Variants in PAAF1 observed in about 807,000 individuals in gnomAD.
PAAF1 encodes the protein proteasomal ATPase-associated factor 1.
Under a neutral mutation model 52.8 loss-of-function variants are expected in PAAF1, and 46 were observed. The observed-to-expected ratio is 0.87, with a 90% CI of 0.69 to 1.11. The LOEUF (loss-of-function observed/expected upper bound fraction) is 1.11. Among genes scored for constraint, PAAF1 ranks in the 50% most tolerant of loss-of-function variants. PAAF1 has a pLI of 0.00. For missense variants in PAAF1, 424 were observed against 477.4 expected, an observed-to-expected ratio of 0.89 and a Z score of 1.04; for synonymous variants, 178 against 172.8, an observed-to-expected ratio of 1.03 and a Z score of -0.24.
intron 2 of PAAF1, among the ~76,000 whole-genome samples, chr11:73,886,414 G>T (rs1949056703): frequency 6.6e-6 from 1 of 152,042 alleles, no homozygotes; most frequent in South Asian, 2.1e-4. Flanking sequence ...GGTGGCTCAC[G>T]CCTGTAATCC....
rs763363623 is a variant in PAAF1, at chr11:73,914,419, G to A, written c.734G>A (p.Arg245Gln). 9.3e-6 allele frequency: 15 copies of A among 1,613,860 alleles called. No homozygotes were observed. The highest frequency in any genetic ancestry group is 1.2e-5 in the Non-Finnish European group (14 of 1,179,856). ...TAGTTTATTTGTCATGCAGGTGAAC[G>A]GGAGGTTGGAACAGAGGCCAAAATG... ...LGSPEQMPSE[R>Q]EVGTEAKMLL... is the part of the protein sequence containing the mutation. Residue 245 changes from arginine (R) to glutamine (Q), a missense_variant, in exon 8 of 12, where the codon CGG becomes CAG. By Grantham distance (43) the Arg-to-Gln change is conservative. Coordinates refer to ENST00000310571, the MANE Select transcript of PAAF1 (RefSeq NM_025155.3).
At chr11:73,907,028 T>C (rs1204898094) in intron 6 of PAAF1, among the ~76,000 whole-genome samples, 1 of 152,158 alleles carries the variant, frequency 6.6e-6, no homozygotes, top group Admixed American at 6.5e-5. Flanking sequence ...ACCTGTACCA[T>C]TGTATTGTAT....
rs558471580 is a variant in PAAF1, at chr11:73,917,889, A to G, written c.936-1061A>G. On this transcript the variant is annotated intron_variant, in intron 9 of 11. Transcript: ENST00000310571. ...CTATCTCAAAAAAAAAAAAAAAAAG[A>G]TACAGACTCTGCCTTTGAGGCACCT... Among the ~76,000 whole-genome samples the G allele has an allele frequency of 6.3e-4, 95 of 151,540 alleles. 1 individual carries two copies. The highest frequency in any genetic ancestry group is 2.2e-3 in the African/African-American group (92 of 41,304).
At chr11:73,882,345 A>G (rs12801553) in intron 2 of PAAF1, among the ~76,000 whole-genome samples, 8,435 of 144,950 alleles carry the variant, frequency 0.058, 265 homozygotes, top group Middle Eastern at 0.1. Context: ...TAACTTGTAG[A>G]TTCAGTTTTC....
intron 5 of PAAF1, among the ~76,000 whole-genome samples, chr11:73,899,616 C>G (rs561978747): frequency 6.6e-5 from 10 of 151,928 alleles, no homozygotes; most frequent in Non-Finnish European, 1.0e-4. Context: ...TTCGCCATGT[C>G]GGCCAGGCTG....
At position 73,909,514 on chromosome 11, in the gene PAAF1, T is replaced by C. The variant is rs767533355; in HGVS notation, c.648T>C (p.Asp216=). 1.9e-6 allele frequency: 3 copies of C among 1,614,168 alleles called. No individual in the cohort carries two copies. Among genetic ancestry groups the C allele is most frequent in the South Asian group, 1.1e-5 (1 of 91,082 alleles). Residue 216 remains aspartate (D), a synonymous_variant, in exon 7 of 12, where the codon GAT becomes GAC. Transcript: ENST00000310571. Reference sequence around the variant, plus strand: ...CAGCCTGCTTGGGAGTCCTTGCAGATTGTGGTTCTTCTATCAATGGAGTGG... The same window carrying C: ...CAGCCTGCTTGGGAGTCCTTGCAGACTGTGGTTCTTCTATCAATGGAGTGG... ...GRSACLGVLA[D]CGSSINGVAV... is the part of the protein sequence containing the mutation.
chr11:73,918,950 G>T lies in PAAF1; in HGVS notation c.936G>T (p.Arg312Ser). The part of the protein sequence containing the change: ...NIYQLDVRSP[R>S]APVQVIHRSG... ...AATTTCCCCTTTCTCTGAATCCTAG[G>T]GCTCCGGTACAAGTCATCCACAGAT... The change falls in exon 10 of 12, where the codon AGG becomes AGT. Residue 312 changes from arginine to serine, a missense_variant and splice_region_variant. Coordinates refer to ENST00000310571, the MANE Select transcript of PAAF1 (RefSeq NM_025155.3). The T allele has an allele frequency of 6.2e-7, 1 of 1,611,658 alleles. No individual in the cohort carries two copies. Among genetic ancestry groups the T allele is most frequent in the Non-Finnish European group, 8.5e-7 (1 of 1,179,296 alleles).
At chr11:73,920,918 G>A (rs1950198610) in intron 10 of PAAF1, among the ~76,000 whole-genome samples, 1 of 151,966 alleles carries the variant, frequency 6.6e-6, no homozygotes, top group East Asian at 1.9e-4. Flanking sequence ...TGTAATCCCA[G>A]CACTTTGGGA....
chr11:73,878,747 A>G (rs779280266), intron 1 of PAAF1, 32 bp from the exon 2 acceptor site: 16 of 1,609,350 alleles, frequency 9.9e-6, no homozygotes, highest in African/African-American at 9.4e-5. Flanking sequence ...AACTTTGGGT[A>G]AGCCTAATTA....
intron 6 of PAAF1, among the ~76,000 whole-genome samples, chr11:73,908,419 A>ATATG (rs1181092263): frequency 1.3e-5 from 2 of 149,946 alleles, no homozygotes; most frequent in African/African-American, 4.9e-5. Flanking sequence ...ATGTGTGTAT[A>ATATG]TATATATATG....
intron 11 of PAAF1, 96 bp downstream of exon 11, chr11:73,924,793 T>C (rs1950308679): frequency 8.2e-6 from 8 of 972,220 alleles, no homozygotes; most frequent in Non-Finnish European, 1.3e-5. Context: ...TCATTAGGGA[T>C]GATAAAATAG....
intron 4 of PAAF1, among the ~76,000 whole-genome samples, chr11:73,896,903 C>G (rs988080990): frequency 6.6e-6 from 1 of 150,968 alleles, no homozygotes; most frequent in African/African-American, 2.4e-5. Context: ...ACCTCCCGGA[C>G]GGGGCGGCTG....
At position 73,909,527 on chromosome 11, in the gene PAAF1, A is replaced by G; in HGVS notation, c.661A>G (p.Ile221Val). Residue 221 changes from isoleucine to valine, a missense_variant, in exon 7 of 12, where the codon ATC becomes GTC. Ile to Val is a conservative substitution (Grantham distance 29, BLOSUM62 3). Transcript: ENST00000310571. ...AGTCCTTGCAGATTGTGGTTCTTCTATCAATGGAGTGGCGGTGGGTGCTGC... is the reference window on the plus strand; with the variant it reads ...AGTCCTTGCAGATTGTGGTTCTTCTGTCAATGGAGTGGCGGTGGGTGCTGC... ...LGVLADCGSS[I>V]NGVAVGAADN... 1.9e-6 allele frequency: 3 copies of G among 1,614,168 alleles called. No individual in the cohort carries two copies. The highest frequency in any genetic ancestry group is 1.1e-5 in the South Asian group (1 of 91,076).
Position 73,878,839 on chromosome 11 carries a change from T to C in PAAF1, c.88+20T>C. 10 of 1,610,796 alleles carry C rather than the reference T, an allele frequency of 6.2e-6. No individual in the cohort carries two copies. The highest frequency in any genetic ancestry group is 8.5e-6 in the Non-Finnish European group (10 of 1,177,458). ...CCCCAGGTAATACCCATGAATTATA[T>C]ATGCTGTGACTTTAAAGGAGAAGGA... On this transcript the variant is annotated intron_variant, in intron 2 of 11. Coordinates refer to ENST00000310571, the MANE Select transcript of PAAF1 (RefSeq NM_025155.3).
At chr11:73,893,343 A>G (rs1033519555) in intron 4 of PAAF1, among the ~76,000 whole-genome samples, 1 of 152,216 alleles carries the variant, frequency 6.6e-6, no homozygotes, top group Non-Finnish European at 1.5e-5. Flanking sequence ...TCAAGAGTCA[A>G]TTGTAATGCC....
chr11:73,910,552 A>G (rs138762502), intron 7 of PAAF1, among the ~76,000 whole-genome samples: 1 of 152,320 alleles, frequency 6.6e-6, no homozygotes, highest in Non-Finnish European at 1.5e-5. Context: ...CTAATAAGGC[A>G]ACTTTCCTTC....
intron 2 of PAAF1, among the ~76,000 whole-genome samples, chr11:73,881,503 G>T (rs887100961): frequency 1.3e-5 from 2 of 152,106 alleles, no homozygotes. Flanking sequence ...GGCCAGGCTG[G>T]TCTTGAACTC....
At chr11:73,898,740 G>A (rs541857172) in intron 4 of PAAF1, among the ~76,000 whole-genome samples, 1 of 152,052 alleles carries the variant, frequency 6.6e-6, no homozygotes, top group Non-Finnish European at 1.5e-5. Context: ...CTTGAGCCTG[G>A]GAGGCAGAGG....
chr11:73,908,773 A>G (rs2135198446), intron 6 of PAAF1, among the ~76,000 whole-genome samples: 1 of 151,912 alleles, frequency 6.6e-6, no homozygotes, highest in African/African-American at 2.4e-5. Context: ...TAAGGTGTCT[A>G]CTTAATTTTT....
Sources: allele counts gnomAD v4.1 joint callset (sites outside exome capture counted in the v4.1 genomes callset), GRCh38; gene constraint gnomAD v4.1.1; transcripts MANE v1.5; gene names NCBI Gene and HGNC (gene_info 2026-07-23, HGNC 2026-07-21).